The following PKP4 variants were observed in gnomAD, a reference collection of about 807,000 sequenced individuals.
PKP4 encodes plakophilin 4.
PKP4 carries 90 observed loss-of-function variants against 145.1 expected under a neutral mutation model. The observed-to-expected ratio is 0.62, with a 90% CI of 0.52 to 0.74. The LOEUF is 0.74. Among genes scored for constraint, PKP4 ranks in the 30% least tolerant of loss-of-function variants. The pLI is 0.00. For missense variants in PKP4, 1,340 were observed against 1,482.7 expected (o/e 0.90, Z 1.58); for synonymous variants, 563 against 577.2 (o/e 0.98, Z 0.35).
chr2:158,497,873 A>G (rs926730782), intron 1 of PKP4, among the ~76,000 whole-genome samples: 4 of 152,234 alleles, frequency 2.6e-5, no homozygotes, highest in African/African-American at 7.2e-5. Flanking sequence ...AAATCCCAGT[A>G]AATGTTGCCT....
At chr2:158,618,272 T>C (rs2051842806) in intron 4 of PKP4, among the ~76,000 whole-genome samples, 1 of 152,184 alleles carries the variant, frequency 6.6e-6, no homozygotes, top group Admixed American at 6.5e-5. Context: ...TAACTCTTAG[T>C]TTTATATTTA....
At chr2:158,634,029 T>C (rs765508675) in intron 8 of PKP4, 41 bp from the exon 9 acceptor site, 1 of 1,110,982 alleles carries the variant, frequency 9.0e-7, no homozygotes, top group Non-Finnish European at 1.4e-6. Flanking sequence ...TGTGATCTCA[T>C]GGAGAACATA....
intron 1 of PKP4, among the ~76,000 whole-genome samples, chr2:158,489,866 G>T (rs890302453): frequency 6.6e-6 from 1 of 152,168 alleles, no homozygotes; most frequent in Non-Finnish European, 1.5e-5. Context: ...GGTGAGAGGA[G>T]TCTGGATTCC....
Position 158,673,770 on chromosome 2 carries a change from C to G in PKP4, c.3009+9C>G, listed in dbSNP as rs758633333. ...GGAGCATTTATAAAAAGGTAACCTA[C>G]AAGAATAGCTCTGGCATAATTAGCA... On this transcript the variant is annotated intron_variant, in intron 18 of 21. Coordinates refer to ENST00000389759, the MANE Select transcript of PKP4 (RefSeq NM_003628.6). 1.3e-6 allele frequency: 2 copies of G among 1,576,608 alleles called. No homozygotes were observed. The highest frequency in any genetic ancestry group is 2.2e-5 in the South Asian group (2 of 90,350).
intron 20 of PKP4, among the ~76,000 whole-genome samples, chr2:158,677,659 C>T (rs2058123052): frequency 6.6e-6 from 1 of 152,220 alleles, no homozygotes; most frequent in Non-Finnish European, 1.5e-5. Context: ...CTCCATTGTA[C>T]TGTTGTCTTT....
intron 2 of PKP4, among the ~76,000 whole-genome samples, chr2:158,534,219 C>T (rs1260077402): frequency 2.0e-5 from 3 of 151,916 alleles, no homozygotes; most frequent in South Asian, 4.1e-4. Context: ...TGAATGATGA[C>T]GAAGATTGAG....
At chr2:158,519,665 C>G (rs2042200875) in intron 1 of PKP4, among the ~76,000 whole-genome samples, 2 of 152,154 alleles carry the variant, frequency 1.3e-5, no homozygotes, top group Non-Finnish European at 2.9e-5. Context: ...TAGCAGTTAT[C>G]TTTCTGACAT....
At position 158,625,117 on chromosome 2, in the gene PKP4, C is replaced by G. The variant is rs1274346216; in HGVS notation, c.843C>G (p.Ser281=). Residue 281 remains serine (S), a synonymous_variant, in exon 7 of 22, where the codon TCC becomes TCG. Transcript: ENST00000389759. ...CTCCGTACTCACAGAGACCCGCCTC[C>G]CCAACAGCTATACGGCGGATTGGGT... ...AASPYSQRPA[S]PTAIRRIGSV... 1 of 1,614,202 alleles carries G rather than the reference C, an allele frequency of 6.2e-7. No homozygotes were observed. The highest frequency in any genetic ancestry group is 1.3e-5 in the African/African-American group (1 of 75,050).
At chr2:158,677,299 A>G (rs2058089411) in intron 20 of PKP4, 1 of 233,556 alleles carries the variant, frequency 4.3e-6, no homozygotes, top group Non-Finnish European at 8.7e-6. Context: ...ATGGAGATCA[A>G]TTTCATTTAC....
intron 1 of PKP4, among the ~76,000 whole-genome samples, chr2:158,527,313 G>T (rs2043049225): frequency 6.9e-6 from 1 of 145,284 alleles, no homozygotes; most frequent in South Asian, 2.3e-4. Flanking sequence ...ACAGAACAGA[G>T]CCCTCAGAAA....
rs145413359 is a variant in PKP4, at chr2:158,629,152, A to G, written c.1154-2601A>G. Among the ~76,000 whole-genome samples, 479 of 152,306 alleles carry G rather than the reference A, an allele frequency of 3.1e-3. 1 individual carries two copies. The highest frequency in any genetic ancestry group is 6.0e-3 in the Non-Finnish European group (406 of 68,020). On this transcript the variant is annotated intron_variant, in intron 7 of 21. Transcript: ENST00000389759. ...AAAAAGCTGAAATCCTCAAAAGGGA[A>G]TTTTGCAATAGCAATCACAGTGTCA...
chr2:158,478,504 C>T (rs551235802), intron 1 of PKP4, among the ~76,000 whole-genome samples: 1 of 152,282 alleles, frequency 6.6e-6, no homozygotes, highest in South Asian at 2.1e-4. Flanking sequence ...AGCCTGTAGT[C>T]TGCCCACCGC....
chr2:158,676,126 G>A lies in PKP4; in HGVS notation c.3128-613G>A, dbSNP rs115706497. Among the ~76,000 whole-genome samples the A allele has an allele frequency of 3.1e-3, 476 of 152,258 alleles. 4 individuals carry two copies. Among genetic ancestry groups the A allele is most frequent in the African/African-American group, 0.011 (442 of 41,556 alleles). On this transcript the variant is annotated intron_variant, in intron 19 of 21. Transcript: ENST00000389759. Reference sequence around the variant, plus strand: ...GAGGTCAGGGCTTAGCACCATGTGCGCTTCCTAATGAGCCAGGCTTACTGG... The same window carrying A: ...GAGGTCAGGGCTTAGCACCATGTGCACTTCCTAATGAGCCAGGCTTACTGG...
At chr2:158,659,991 G>C (rs1184875974) in intron 12 of PKP4, 1 of 152,418 alleles carries the variant, frequency 6.6e-6, no homozygotes, top group Non-Finnish European at 1.5e-5. Flanking sequence ...CCAGGTGCTG[G>C]GGTGAGGTAG....
intron 17 of PKP4, among the ~76,000 whole-genome samples, chr2:158,671,333 T>TA (rs796565584): frequency 2.0e-5 from 3 of 150,724 alleles, no homozygotes; most frequent in African/African-American, 7.3e-5. Context: ...GTCTTTTTTT[T>TA]AAATGTATTT....
chr2:158,575,988 A>T (rs2047812925), intron 2 of PKP4, among the ~76,000 whole-genome samples: 1 of 152,186 alleles, frequency 6.6e-6, no homozygotes, highest in Non-Finnish European at 1.5e-5. Flanking sequence ...CCACTTACCG[A>T]TTATGATCAT....
chr2:158,527,350 A>G (rs1344613960), intron 1 of PKP4, among the ~76,000 whole-genome samples: 2 of 140,082 alleles, frequency 1.4e-5, no homozygotes, highest in Non-Finnish European at 3.1e-5. Flanking sequence ...CAACTATCTG[A>G]TCTTTGACAA....
intron 3 of PKP4, among the ~76,000 whole-genome samples, chr2:158,590,946 G>A (rs2049220777): frequency 6.6e-6 from 1 of 152,102 alleles, no homozygotes. Context: ...CTGATACGAT[G>A]CAATGAGAAG....
At chr2:158,585,465 C>G (rs921647107) in intron 3 of PKP4, among the ~76,000 whole-genome samples, 2 of 152,096 alleles carry the variant, frequency 1.3e-5, no homozygotes, top group Non-Finnish European at 2.9e-5. Flanking sequence ...CATCAGGTTT[C>G]GATTGATATT....
Sources: gnomAD v4.1 joint callset for allele counts (sites outside exome capture counted in the v4.1 genomes callset) on GRCh38, gnomAD v4.1.1 for gene constraint, MANE v1.5 for transcripts, NCBI Gene and HGNC (gene_info 2026-07-23, HGNC 2026-07-21) for gene names.